The following SLC25A17 variants were observed in gnomAD, a reference collection of about 807,000 sequenced individuals.
SLC25A17 encodes the protein peroxisomal membrane protein PMP34.
In SLC25A17, 26 loss-of-function variants were observed where a neutral mutation model predicts 38.5. The observed-to-expected ratio is 0.68, with a 90% CI of 0.50 to 0.94. The LOEUF (loss-of-function observed/expected upper bound fraction) is 0.94, where lower values mean the gene tolerates loss of function less well. SLC25A17 is among the 40% of genes least tolerant of loss of function. The probability of loss-of-function intolerance (pLI) is 0.00; values close to 1 mark genes in which losing one functional copy is unlikely to be tolerated. For missense variants in SLC25A17, 333 were observed against 372.7 expected, an observed-to-expected ratio of 0.89 and a Z score of 0.88; for synonymous variants, 139 against 136.2, an observed-to-expected ratio of 1.02 and a Z score of -0.14.
intron 1 of SLC25A17, among the ~76,000 whole-genome samples, chr22:40,802,214 A>G (rs988429566): frequency 2.0e-5 from 3 of 152,224 alleles, no homozygotes; most frequent in South Asian, 2.1e-4. Flanking sequence ...CCAGCTTTAA[A>G]TAGACACGTG....
At chr22:40,790,581 G>A (rs1055931368) in intron 4 of SLC25A17, among the ~76,000 whole-genome samples, 1 of 152,180 alleles carries the variant, frequency 6.6e-6, no homozygotes, top group Non-Finnish European at 1.5e-5. Context: ...AGGTATGGGG[G>A]AGTCTGCTGT....
intron 1 of SLC25A17, among the ~76,000 whole-genome samples, chr22:40,800,556 A>G (rs1346645088): frequency 6.6e-6 from 1 of 152,018 alleles, no homozygotes; most frequent in East Asian, 1.9e-4. Flanking sequence ...GTGTCACCAC[A>G]CCCAGATAAT....
chr22:40,795,795 C>CT (rs1221453234), intron 2 of SLC25A17, among the ~76,000 whole-genome samples: 17 of 146,570 alleles, frequency 1.2e-4, no homozygotes, highest in East Asian at 4.1e-4. Flanking sequence ...TTTCTTTTTT[C>CT]TTTTTTTTTT....
intron 1 of SLC25A17, among the ~76,000 whole-genome samples, chr22:40,814,754 A>AATATATATATATATATATATATAT (rs10527651): frequency 8.1e-5 from 11 of 135,188 alleles, no homozygotes; most frequent in African/African-American, 2.7e-4. Flanking sequence ...GTACGTGCAG[A>AATATATATATATATATATATATAT]ATATATATAT....
rs117794901 is a variant in SLC25A17, at chr22:40,811,608, T to C, written c.54+7587A>G. Among the ~76,000 whole-genome samples, 188 of 152,040 alleles carry C rather than the reference T, an allele frequency of 1.2e-3. 6 individuals are homozygous for C. In the East Asian group the frequency reaches 0.031, roughly 25 times the overall value. On this transcript the variant is annotated intron_variant, in intron 1 of 8. Transcript: ENST00000435456. ...GCACAGTGCTGGCATCTGCTTCTGG[T>C]GAGGGCCTCAGGTGGCTTATGATCA...
intron 4 of SLC25A17, among the ~76,000 whole-genome samples, chr22:40,784,784 CAAA>C (rs71200616): frequency 2.1e-5 from 2 of 96,354 alleles, no homozygotes; most frequent in Non-Finnish European, 2.0e-5. Flanking sequence ...TCAACAACAA[CAAA>C]AAAAAAAAAA....
chr22:40,798,630 C>A (rs1015801548), intron 2 of SLC25A17, among the ~76,000 whole-genome samples: 29 of 148,348 alleles, frequency 2.0e-4, no homozygotes, highest in Non-Finnish European at 3.0e-5. Flanking sequence ...TTAACCCTAT[C>A]CCCTCTAGAA....
chr22:40,775,944 T>C lies in SLC25A17; in HGVS notation c.693+1096A>G, dbSNP rs562752802. On this transcript the variant is annotated intron_variant, in intron 7 of 8. Transcript: ENST00000435456. ...TAAATTACCCAGTCTCAGGCAGTCC[T>C]TTAGAGCAGCATGAGAATGGACTAA... Among the ~76,000 whole-genome samples the C allele has an allele frequency of 4.6e-5, 7 of 152,314 alleles. 1 individual carries two copies. In the South Asian group the frequency reaches 1.4e-3, roughly 32 times the overall value.
At chr22:40,804,166 C>CT (rs2057508890) in intron 1 of SLC25A17, among the ~76,000 whole-genome samples, 1 of 152,066 alleles carries the variant, frequency 6.6e-6, no homozygotes, top group African/African-American at 2.4e-5. Flanking sequence ...AAAAGGAGTC[C>CT]TTTTAATAAT....
rs780394382 is a variant in SLC25A17 at position 40,799,086 on chromosome 22, GAA to G, written c.55-5_55-4del. 18 of 1,611,994 alleles carry G rather than the reference GAA, an allele frequency of 1.1e-5. No individual in the cohort carries two copies. The highest frequency in any genetic ancestry group is 1.3e-5 in the Non-Finnish European group (15 of 1,178,838). The stretch of plus-strand genomic sequence containing the variant: ...ACTGTCATTGCTGTCACGCTTCCCT[GAA>G]AAGTTTGAAAAAGGCCATTACAGCA... On this transcript the variant is annotated splice_polypyrimidine_tract_variant and splice_region_variant and intron_variant, in intron 1 of 8. Transcript: ENST00000435456.
At chr22:40,785,339 G>A (rs749481573) in intron 4 of SLC25A17, among the ~76,000 whole-genome samples, 1 of 152,188 alleles carries the variant, frequency 6.6e-6, no homozygotes, top group Non-Finnish European at 1.5e-5. Flanking sequence ...AGCGGAGATC[G>A]CGCCACTGCA....
At position 40,804,515 on chromosome 22, in the gene SLC25A17, T is replaced by C. The variant is rs867682714; in HGVS notation, c.55-5432A>G. On this transcript the variant is annotated intron_variant, in intron 1 of 8. Transcript: ENST00000435456. ...CAATTCTATGTCTTCTTTTGAGAAATGTCTATTCAGAGCTTTCATTTTTTT... is the reference window on the plus strand; with the variant it reads ...CAATTCTATGTCTTCTTTTGAGAAACGTCTATTCAGAGCTTTCATTTTTTT... Among the ~76,000 whole-genome samples, 13 of 152,348 alleles carry C rather than the reference T, an allele frequency of 8.5e-5. No homozygotes were observed. In the Middle Eastern group the frequency reaches 0.01, roughly 120 times the overall value.
At chr22:40,788,714 AAAAAC>A in intron 4 of SLC25A17, 3 of 228,578 alleles carry the variant, frequency 1.3e-5, no homozygotes. Context: ...AAAATAAAAT[AAAAAC>A]AAAACAAAAC....
intron 1 of SLC25A17, among the ~76,000 whole-genome samples, chr22:40,815,924 C>T (rs373730662): frequency 5.3e-5 from 8 of 152,310 alleles, no homozygotes; most frequent in Middle Eastern, 6.8e-3. Flanking sequence ...CAGTGGCTCA[C>T]GCCTGTAATC....
In SLC25A17 at chr22:40,819,311, G is replaced by C. The variant is rs1229147493; in HGVS notation, c.-63C>G. ...ACAGATGCCGCAGCCAGTGGAGTTA[G>C]GAAAGGAGCACCGGAGCTCAGGGTG... On this transcript the variant is annotated 5_prime_UTR_variant, in exon 1 of 9. Transcript: ENST00000435456. The C allele has an allele frequency of 1.3e-6, 2 of 1,568,792 alleles. No individual in the cohort carries two copies. The highest frequency in any genetic ancestry group is 1.4e-5 in the African/African-American group (1 of 72,586).
chr22:40,783,506 TG>T (rs1280752443), intron 4 of SLC25A17, among the ~76,000 whole-genome samples: 3 of 152,238 alleles, frequency 2.0e-5, no homozygotes, highest in Non-Finnish European at 1.5e-5. Context: ...TATTTTATTT[TG>T]TTTTTTTGAG....
At chr22:40,785,426 A>C (rs2145663119) in intron 4 of SLC25A17, among the ~76,000 whole-genome samples, 2 of 152,196 alleles carry the variant, frequency 1.3e-5, no homozygotes, top group East Asian at 3.9e-4. Flanking sequence ...AATTTGTCTA[A>C]AGTTTATCAT....
chr22:40,771,683 G>GGTA (rs1199334676), intron 8 of SLC25A17, among the ~76,000 whole-genome samples: 1 of 152,150 alleles, frequency 6.6e-6, no homozygotes, highest in African/African-American at 2.4e-5. Context: ...TGGAGATAAA[G>GGTA]GTAGAAGGAT....
At chr22:40,785,141 T>G (rs923039330) in intron 4 of SLC25A17, among the ~76,000 whole-genome samples, 3 of 152,172 alleles carry the variant, frequency 2.0e-5, no homozygotes, top group Non-Finnish European at 4.4e-5. Flanking sequence ...CCCAACACTT[T>G]AGGAGGCTGA....
Sources: gnomAD v4.1 joint callset for allele counts (sites outside exome capture counted in the v4.1 genomes callset) on GRCh38, gnomAD v4.1.1 for gene constraint, MANE v1.5 for transcripts, NCBI Gene and HGNC (gene_info 2026-07-23, HGNC 2026-07-21) for gene names.